The following BABAM2 variants were observed in gnomAD, a reference collection of about 807,000 sequenced individuals.
BABAM2 encodes the protein BRISC and BRCA1 A complex member 2.
A neutral mutation model predicts 54.7 loss-of-function variants in BABAM2; 31 were observed. The ratio of observed to expected loss-of-function variants is 0.57; its 90% confidence interval spans 0.43 to 0.77. BABAM2 has a LOEUF of 0.77. Ranked by LOEUF, BABAM2 falls within the 30% of genes least tolerant of loss-of-function variation. The pLI is 0.00. For missense variants in BABAM2, 364 were observed against 455.8 expected (o/e 0.80, Z 1.83); for synonymous variants, 167 against 162.9 (o/e 1.03, Z -0.19).
chr2:28,026,826 A>ATTTTTT (rs1675742503), intron 5 of BABAM2, among the ~76,000 whole-genome samples: 1 of 68,054 alleles, frequency 1.5e-5, no homozygotes. Context: ...ATATATTTAT[A>ATTTTTT]TATATAAATA....
At chr2:28,227,089 G>C (rs116067033) in intron 7 of BABAM2, among the ~76,000 whole-genome samples, 1,866 of 152,168 alleles carry the variant, frequency 0.012, 29 homozygotes, top group African/African-American at 0.043. Context: ...TTAGTTTAAA[G>C]GAGAAATTTC....
chr2:28,016,205 CTCTG>C, intron 4 of BABAM2: 2 of 1,075,696 alleles, frequency 1.9e-6, no homozygotes, highest in Non-Finnish European at 2.8e-6. Flanking sequence ...TTTTTTCTTT[CTCTG>C]TCTTTTTTTG....
At chr2:28,004,248 T>A (rs1673790989) in intron 4 of BABAM2, among the ~76,000 whole-genome samples, 1 of 152,126 alleles carries the variant, frequency 6.6e-6, no homozygotes, top group Non-Finnish European at 1.5e-5. Context: ...AGCCAAGATA[T>A]TTAAACCTGT....
At chr2:28,140,237 G>T (rs1217728804) in intron 7 of BABAM2, among the ~76,000 whole-genome samples, 1 of 151,978 alleles carries the variant, frequency 6.6e-6, no homozygotes. Flanking sequence ...AATCCTTTAT[G>T]TCAGACACTT....
At chr2:28,047,823 G>A (rs1489270539) in intron 6 of BABAM2, among the ~76,000 whole-genome samples, 1 of 152,112 alleles carries the variant, frequency 6.6e-6, no homozygotes, top group Non-Finnish European at 1.5e-5. Flanking sequence ...TGACCAAAAA[G>A]GAGAAACTCT....
Position 27,996,465 on chromosome 2 carries a change from T to G in BABAM2, c.300+8378T>G, listed in dbSNP as rs1673150864. ...CACAACATACTTCAGAATAGAATTCTCTGTCGTTTGTCAAATATTTAAACA... is the reference window on the plus strand; with the variant it reads ...CACAACATACTTCAGAATAGAATTCGCTGTCGTTTGTCAAATATTTAAACA... On this transcript the variant is annotated intron_variant, in intron 4 of 11. Transcript: ENST00000379624. 5.2e-5 allele frequency: 8 copies of G among 154,858 alleles called. No homozygotes were observed. The Admixed American group carries it at 5.2e-4, about 10-fold the overall frequency. 9.6% of individuals were successfully genotyped at this position (154,858 alleles called of 1,614,324 possible).
chr2:27,937,407 T>C (rs1437715079), intron 3 of BABAM2, among the ~76,000 whole-genome samples: 7 of 152,236 alleles, frequency 4.6e-5, no homozygotes, highest in African/African-American at 1.4e-4. Flanking sequence ...ATTACAGGCA[T>C]GAGCCACCGC....
chr2:28,074,004 C>CAT (rs1404193672), intron 6 of BABAM2, among the ~76,000 whole-genome samples: 1 of 150,562 alleles, frequency 6.6e-6, no homozygotes, highest in South Asian at 2.1e-4. Context: ...TATATTTACA[C>CAT]ATATATACAC....
rs1682768722 is a variant in BABAM2, at chr2:28,244,817, C to T, written c.889C>T (p.Leu297Phe). The T allele has an allele frequency of 4.3e-6, 7 of 1,614,000 alleles. No individual in the cohort carries two copies. Among genetic ancestry groups the T allele is most frequent in the Non-Finnish European group, 5.9e-6 (7 of 1,179,984 alleles). ...ATATGATGCAGAAGGCTTTACAAAA[C>T]TCACTCTGCTGCTGATGTGGAAAGA... ...VEYDAEGFTK[L>F]TLLLMWKDFC... The change falls in exon 10 of 12, where the codon CTC becomes TTC. Residue 297 changes from leucine (L) to phenylalanine (F), a missense_variant. By Grantham distance (22) the Leu-to-Phe change is conservative. Coordinates refer to ENST00000379624, the MANE Select transcript of BABAM2 (RefSeq NM_199191.3).
chr2:28,110,705 A>G (rs1257303878), intron 6 of BABAM2, among the ~76,000 whole-genome samples: 1 of 152,048 alleles, frequency 6.6e-6, no homozygotes, highest in African/African-American at 2.4e-5. Flanking sequence ...GTTTTCAGTT[A>G]TTTTGGAGTA....
At chr2:27,902,317 T>G (rs917995166) in intron 2 of BABAM2, among the ~76,000 whole-genome samples, 1 of 152,232 alleles carries the variant, frequency 6.6e-6, no homozygotes, top group Non-Finnish European at 1.5e-5. Flanking sequence ...AGCACTGTTT[T>G]GTGAATTTTC....
intron 6 of BABAM2, among the ~76,000 whole-genome samples, chr2:28,125,882 T>TA (rs947776889): frequency 6.6e-6 from 1 of 152,218 alleles, no homozygotes; most frequent in African/African-American, 2.4e-5. Context: ...TGTGGCTATT[T>TA]AAAAAGCAGT....
chr2:27,998,008 C>T (rs1182526416), intron 4 of BABAM2, among the ~76,000 whole-genome samples: 1 of 152,078 alleles, frequency 6.6e-6, no homozygotes, highest in African/African-American at 2.4e-5. Context: ...CAAAAATTAG[C>T]TGGGCATGGT....
intron 5 of BABAM2, among the ~76,000 whole-genome samples, chr2:28,028,836 G>A (rs1453529289): frequency 2.0e-5 from 3 of 151,806 alleles, no homozygotes; most frequent in South Asian, 4.2e-4. Context: ...GCGTACTCTC[G>A]GCTCACTGCA....
intron 6 of BABAM2, among the ~76,000 whole-genome samples, chr2:28,129,001 C>T (rs971166642): frequency 6.6e-6 from 1 of 152,182 alleles, no homozygotes; most frequent in Non-Finnish European, 1.5e-5. Flanking sequence ...CCACCAGGTT[C>T]ACTACCCGCC....
intron 2 of BABAM2, among the ~76,000 whole-genome samples, chr2:27,908,491 T>A (rs1666347555): frequency 1.3e-5 from 2 of 152,176 alleles, no homozygotes; most frequent in South Asian, 4.2e-4. Flanking sequence ...CAGGCTGGTC[T>A]CGAACTCTTG....
At chr2:28,112,135 T>C (rs1668104003) in intron 6 of BABAM2, among the ~76,000 whole-genome samples, 4 of 17,194 alleles carry the variant, frequency 2.3e-4, no homozygotes, top group Non-Finnish European at 4.3e-4. Flanking sequence ...CTTTCTTTCT[T>C]TCTTTCTTTC....
intron 5 of BABAM2, 59 bp from the exon 6 acceptor site, chr2:28,045,666 T>C: frequency 6.9e-7 from 1 of 1,457,312 alleles, no homozygotes. Context: ...TTGGCTATAA[T>C]TGTCACTTCA....
intron 5 of BABAM2, 79 bp downstream of exon 5, chr2:28,025,499 C>T: frequency 3.0e-6 from 4 of 1,325,532 alleles, no homozygotes; most frequent in Non-Finnish European, 3.0e-6. Flanking sequence ...TTTGTAAATC[C>T]TAGTCATTTC....
Sources: allele counts gnomAD v4.1 joint callset (sites outside exome capture counted in the v4.1 genomes callset), GRCh38; gene constraint gnomAD v4.1.1; transcripts MANE v1.5; gene names NCBI Gene and HGNC (gene_info 2026-07-23, HGNC 2026-07-21).